The following B3GALT1 variants were observed in gnomAD, a reference collection of about 807,000 sequenced individuals.
B3GALT1 encodes beta-1,3-galactosyltransferase 1.
A neutral mutation model predicts 23.2 loss-of-function variants in B3GALT1; 10 were observed. The observed-to-expected ratio is 0.43, with a 90% confidence interval of 0.27 to 0.73. The LOEUF (loss-of-function observed/expected upper bound fraction) is 0.73, where lower values mean the gene tolerates loss of function less well. B3GALT1 is among the 30% of genes least tolerant of loss of function. The pLI is 0.21. For missense variants in B3GALT1, 299 were observed against 405.4 expected (o/e 0.74, Z 2.25); for synonymous variants, 156 against 141.5 (o/e 1.10, Z -0.73).
rs935248907 is a variant in B3GALT1 at position 167,789,923 on chromosome 2, C to T, written c.-351-28749C>T. Among the ~76,000 whole-genome samples, 11 of 152,116 alleles carry T rather than the reference C, an allele frequency of 7.2e-5. No homozygotes were observed. The South Asian group carries it at 1.2e-3, about 17-fold the overall frequency. On this transcript the variant is annotated intron_variant, in intron 3 of 4. Transcript: ENST00000392690. ...AGGGTGACCGTGCGGTAGGCCCACT[C>T]CTCTTGTCCTTATTCTTTTATTCTC...
chr2:167,667,409 G>T (rs1467072259), intron 3 of B3GALT1, among the ~76,000 whole-genome samples: 4 of 152,036 alleles, frequency 2.6e-5, no homozygotes, highest in Admixed American at 1.3e-4. Flanking sequence ...CAACTTTGGT[G>T]AATCTGACAA....
At chr2:167,846,835 C>G (rs1689770672) in intron 4 of B3GALT1, among the ~76,000 whole-genome samples, 1 of 152,160 alleles carries the variant, frequency 6.6e-6, no homozygotes, top group South Asian at 2.1e-4. Flanking sequence ...GATAAGAACT[C>G]ACCAACTAAC....
intron 3 of B3GALT1, among the ~76,000 whole-genome samples, chr2:167,648,141 C>T (rs1180068339): frequency 5.3e-5 from 8 of 152,072 alleles, no homozygotes; most frequent in Non-Finnish European, 1.0e-4. Context: ...TGGATTACCA[C>T]AAAAACCTCC....
Position 167,421,687 on chromosome 2 carries a change from C to T in B3GALT1, c.-510-68490C>T, listed in dbSNP as rs1192585124. Among the ~76,000 whole-genome samples, 3 of 152,124 alleles carry T rather than the reference C, an allele frequency of 2.0e-5. No homozygotes were observed. The East Asian group carries it at 5.8e-4, about 29-fold the overall frequency. ...GAGCTGATAAAAATGAATCTAAGTG[C>T]ACCCACCAGAAAGGGAGGTACTAAA... On this transcript the variant is annotated intron_variant, in intron 1 of 4. Transcript: ENST00000392690.
intron 3 of B3GALT1, among the ~76,000 whole-genome samples, chr2:167,683,170 A>C (rs901372642): frequency 6.6e-6 from 1 of 152,226 alleles, no homozygotes; most frequent in Admixed American, 6.5e-5. Context: ...TGGAGCAAGA[A>C]TAGAATATTT....
At chr2:167,384,945 A>G (rs1697904808) in intron 1 of B3GALT1, among the ~76,000 whole-genome samples, 2 of 151,732 alleles carry the variant, frequency 1.3e-5, no homozygotes, top group South Asian at 2.1e-4. Context: ...TCTCCCTCCA[A>G]ATCATCAGCA....
chr2:167,640,283 A>C (rs1453929665), intron 2 of B3GALT1, among the ~76,000 whole-genome samples: 9 of 152,078 alleles, frequency 5.9e-5, no homozygotes, highest in Non-Finnish European at 1.2e-4. Context: ...GCAGTGTAAC[A>C]CATTGTTCAC....
chr2:167,349,031 G>A (rs1289081365), intron 1 of B3GALT1, among the ~76,000 whole-genome samples: 1 of 152,124 alleles, frequency 6.6e-6, no homozygotes, highest in Non-Finnish European at 1.5e-5. Context: ...ATATTTTTCA[G>A]TTCAGGATAG....
intron 4 of B3GALT1, among the ~76,000 whole-genome samples, chr2:167,838,451 C>CATACACTCT (rs1442952581): frequency 2.6e-5 from 4 of 151,238 alleles, no homozygotes; most frequent in African/African-American, 9.7e-5. Context: ...TTCCTCAACA[C>CATACACTCT]ATACACTCTC....
At position 167,606,450 on chromosome 2, in the gene B3GALT1, A is replaced by G. The variant is rs1440870095; in HGVS notation, c.-409-40459A>G. On this transcript the variant is annotated intron_variant, in intron 2 of 4. Transcript: ENST00000392690. Reference sequence around the variant, plus strand: ...TCATTTTCTTTGAGTACTCAGTTTCAGATTCTGTTATTTAAGGCTACAGAA... The same window carrying G: ...TCATTTTCTTTGAGTACTCAGTTTCGGATTCTGTTATTTAAGGCTACAGAA... 2.0e-5 allele frequency among the ~76,000 whole-genome samples: 3 copies of G among 152,326 alleles called. No individual in the cohort carries two copies. In the East Asian group the frequency reaches 5.8e-4, roughly 29 times the overall value.
intron 2 of B3GALT1, among the ~76,000 whole-genome samples, chr2:167,527,806 A>T (rs763641863): frequency 2.4e-4 from 36 of 152,172 alleles, no homozygotes; most frequent in Non-Finnish European, 5.0e-4. Context: ...TTTTCTGAGG[A>T]CTAGCTGCAT....
At chr2:167,514,353 A>G (rs1325251059) in intron 2 of B3GALT1, among the ~76,000 whole-genome samples, 6 of 152,254 alleles carry the variant, frequency 3.9e-5, no homozygotes, top group South Asian at 2.1e-4. Context: ...AAGCAAAATC[A>G]TTGCAGTTTT....
At chr2:167,510,411 T>TG (rs1300210028) in intron 2 of B3GALT1, among the ~76,000 whole-genome samples, 1,624 of 148,772 alleles carry the variant, frequency 0.011, 27 homozygotes, top group East Asian at 0.061. Flanking sequence ...AGTTTTGTTT[T>TG]TTTTTTTTTT....
chr2:167,574,829 A>C (rs1684354915), intron 2 of B3GALT1, among the ~76,000 whole-genome samples: 1 of 151,748 alleles, frequency 6.6e-6, no homozygotes, highest in African/African-American at 2.4e-5. Flanking sequence ...TTCTTCCACA[A>C]ATGCTGCTTG....
intron 3 of B3GALT1, among the ~76,000 whole-genome samples, chr2:167,677,274 A>G (rs1686444653): frequency 6.6e-6 from 1 of 152,248 alleles, no homozygotes; most frequent in Non-Finnish European, 1.5e-5. Context: ...TCATAACACC[A>G]TGTATGCATC....
At chr2:167,371,320 T>C (rs1697681346) in intron 1 of B3GALT1, among the ~76,000 whole-genome samples, 1 of 152,160 alleles carries the variant, frequency 6.6e-6, no homozygotes, top group African/African-American at 2.4e-5. Flanking sequence ...TTTAATTTCT[T>C]TGAAAAATTA....
intron 2 of B3GALT1, among the ~76,000 whole-genome samples, chr2:167,537,758 A>C (rs1683454109): frequency 6.6e-6 from 1 of 152,024 alleles, no homozygotes; most frequent in African/African-American, 2.4e-5. Context: ...AATGATCCAA[A>C]AATCTATGAT....
intron 3 of B3GALT1, among the ~76,000 whole-genome samples, chr2:167,653,358 A>C (rs1317347614): frequency 6.6e-6 from 1 of 152,162 alleles, no homozygotes; most frequent in Non-Finnish European, 1.5e-5. Context: ...GGACTTATAT[A>C]TAGCAGTTTT....
chr2:167,412,537 C>G (rs1456825501), intron 1 of B3GALT1, among the ~76,000 whole-genome samples: 3 of 152,088 alleles, frequency 2.0e-5, no homozygotes, highest in Non-Finnish European at 4.4e-5. Flanking sequence ...AGACTTGAAT[C>G]TACAACATAC....
Sources: gnomAD v4.1 joint callset for allele counts (sites outside exome capture counted in the v4.1 genomes callset) on GRCh38, gnomAD v4.1.1 for gene constraint, MANE v1.5 for transcripts, NCBI Gene and HGNC (gene_info 2026-07-23, HGNC 2026-07-21) for gene names.